Variants in CBX1 observed in about 807,000 individuals in gnomAD.
CBX1 encodes chromobox 1.
In CBX1, 10 loss-of-function variants were observed where a neutral mutation model predicts 25.1. That is an observed-to-expected ratio of 0.40 (90% CI 0.25 to 0.68). The LOEUF is 0.68. CBX1 is among the 30% of genes least tolerant of loss of function. The pLI is 0.40. For missense variants in CBX1, 106 were observed against 218.5 expected (o/e 0.49, Z 3.25); for synonymous variants, 63 against 79.4 (o/e 0.79, Z 1.10).
At chr17:48,087,727 C>T (rs1177881589) in intron 1 of CBX1, among the ~76,000 whole-genome samples, 1 of 151,792 alleles carries the variant, frequency 6.6e-6, no homozygotes, top group Admixed American at 6.6e-5. Context: ...CAAAAATTGG[C>T]CGGGCATAGT....
In CBX1 at chr17:48,070,288, G is replaced by C. The variant is rs533961625; in HGVS notation, c.*1147C>G. On this transcript the variant is annotated 3_prime_UTR_variant, in exon 5 of 5. Coordinates refer to ENST00000225603, the MANE Select transcript of CBX1 (RefSeq NM_001127228.2). The stretch of plus-strand genomic sequence containing the variant: ...AAAAAATTGTTTTGTGTGTGTATGT[G>C]TGTGTTTTAAAGTGAACCACTGCCC... The C allele has an allele frequency of 6.5e-6, 1 of 152,760 alleles. No homozygotes were observed. Among genetic ancestry groups the C allele is most frequent in the Non-Finnish European group, 1.5e-5 (1 of 68,046 alleles). The allele number at this position is 152,760 out of a possible 1,614,324, so 9.5% of individuals were successfully genotyped here. A position where few individuals can be genotyped will look rare whatever the true frequency, so the allele number is the denominator to read the frequency against.
In CBX1 at chr17:48,101,460, T is replaced by G; in HGVS notation, c.-230A>C. The G allele has an allele frequency of 1.0e-6, 1 of 985,590 alleles. No homozygotes were observed. Among genetic ancestry groups the G allele is most frequent in the Non-Finnish European group, 1.2e-6 (1 of 830,112 alleles). The allele number at this position is 985,590 out of a possible 1,614,324, so 61.1% of individuals were successfully genotyped here. A position where few individuals can be genotyped will look rare whatever the true frequency, so the allele number is the denominator to read the frequency against. ...AGCCGAACAAAAGAGCCTCGCAGTC[T>G]GCGCTGCCCGCCGCTCGCACCGCGC... On this transcript the variant is annotated 5_prime_UTR_variant, in exon 1 of 5. Coordinates refer to ENST00000225603, the MANE Select transcript of CBX1 (RefSeq NM_001127228.2).
chr17:48,085,962 C>T (rs111907546), intron 1 of CBX1, among the ~76,000 whole-genome samples: 5 of 152,000 alleles, frequency 3.3e-5, no homozygotes, highest in African/African-American at 9.7e-5. Context: ...CCCAGTTACT[C>T]GAGAGATTAA....
intron 1 of CBX1, among the ~76,000 whole-genome samples, chr17:48,081,263 C>T (rs2037735579): frequency 6.6e-6 from 1 of 151,544 alleles, no homozygotes. Flanking sequence ...CTGCTATGAG[C>T]CGAAAGGGTC....
At chr17:48,081,727 C>A (rs1163498263) in intron 1 of CBX1, among the ~76,000 whole-genome samples, 1 of 152,196 alleles carries the variant, frequency 6.6e-6, no homozygotes, top group East Asian at 1.9e-4. Context: ...CAGGCCTAAG[C>A]CACTGAGCCT....
chr17:48,097,087 T>TA (rs1054112047), intron 1 of CBX1, among the ~76,000 whole-genome samples: 3 of 150,294 alleles, frequency 2.0e-5, no homozygotes, highest in Non-Finnish European at 3.0e-5. Flanking sequence ...CCATCTCTAC[T>TA]AAAAAAATAC....
chr17:48,076,828 C>A, intron 2 of CBX1, 37 bp downstream of exon 2: 1 of 1,586,626 alleles, frequency 6.3e-7, no homozygotes, highest in Non-Finnish European at 8.6e-7. Context: ...CTGATAAACA[C>A]GTGGTGGCTA....
chr17:48,090,847 A>T (rs963527070), intron 1 of CBX1, among the ~76,000 whole-genome samples: 7 of 152,226 alleles, frequency 4.6e-5, no homozygotes, highest in Non-Finnish European at 8.8e-5. Context: ...GGCACCTATT[A>T]CGTGTAAGGT....
Position 48,075,134 on chromosome 17 carries a change from T to TA in CBX1, c.319-35dup, listed in dbSNP as rs1262046092. On this transcript the variant is annotated intron_variant, in intron 3 of 4. Coordinates refer to ENST00000225603, the MANE Select transcript of CBX1 (RefSeq NM_001127228.2). ...ACAAGATGGGTAGAACAATTTTATC[T>TA]ATATGGGACTATTATCCAGACTGGA... 5 of 1,299,492 alleles carry TA rather than the reference T, an allele frequency of 3.8e-6. No homozygotes were observed. In the African/African-American group the frequency reaches 7.3e-5, roughly 19 times the overall value. The allele number at this position is 1,299,492 out of a possible 1,614,324, so 80.5% of individuals were successfully genotyped here.
At chr17:48,073,823 T>TAAAAAAAAAAAA (rs2037648864) in intron 4 of CBX1, among the ~76,000 whole-genome samples, 1 of 23,726 alleles carries the variant, frequency 4.2e-5, no homozygotes, top group Admixed American at 5.0e-4. Flanking sequence ...TGAGACTGTC[T>TAAAAAAAAAAAA]CAAAAAAAAA....
rs2063409567 is a variant in CBX1, at chr17:48,101,430, C to CGGA, written c.-201_-200insTCC. ...CCGCAGGCCCCGGCCAACGGCCCTC[C>CGGA]CCTCAGCCGAACAAAAGAGCCTCGC... On this transcript the variant is annotated 5_prime_UTR_variant, in exon 1 of 5. Coordinates refer to ENST00000225603, the MANE Select transcript of CBX1 (RefSeq NM_001127228.2). The CGGA allele has an allele frequency of 1.0e-6, 1 of 985,484 alleles. No homozygotes were observed. Among genetic ancestry groups the CGGA allele is most frequent in the Admixed American group, 6.1e-5 (1 of 16,274 alleles). The allele number at this position is 985,484 out of a possible 1,614,324, so 61.0% of individuals were successfully genotyped here. A position where few individuals can be genotyped will look rare whatever the true frequency, so the allele number is the denominator to read the frequency against.
chr17:48,078,349 C>T (rs1183671699), intron 1 of CBX1, among the ~76,000 whole-genome samples: 17 of 152,024 alleles, frequency 1.1e-4, no homozygotes, highest in Admixed American at 1.0e-3. Context: ...CCCGCCACCA[C>T]GCCCAGCTAA....
chr17:48,088,344 G>A (rs1443225797), intron 1 of CBX1: 1 of 150,202 alleles, frequency 6.7e-6, no homozygotes, highest in Non-Finnish European at 1.5e-5. Flanking sequence ...CTTGTTGCCA[G>A]GTGCGGTGGC....
rs60857566 is a variant in CBX1, at chr17:48,073,824, C to CAAAAAAAAAA, written c.413+1172_413+1181dup. ...CCTGGGCGAAAGAGTGAGACTGTCT[C>CAAAAAAAAAA]AAAAAAAAAAAAAAAAAAAAAGACA... is the stretch of plus-strand genomic sequence containing the variant. On this transcript the variant is annotated intron_variant, in intron 4 of 4. Coordinates refer to ENST00000225603, the MANE Select transcript of CBX1 (RefSeq NM_001127228.2). Among the ~76,000 whole-genome samples, 29 of 82,470 alleles carry CAAAAAAAAAA rather than the reference C, an allele frequency of 3.5e-4. 2 individuals are homozygous for CAAAAAAAAAA. The highest frequency in any genetic ancestry group is 6.4e-4 in the African/African-American group (11 of 17,282). 54.1% of individuals were successfully genotyped at this position (82,470 alleles called of 152,430 possible).
At chr17:48,075,766 C>T (rs2037669419) in intron 3 of CBX1, among the ~76,000 whole-genome samples, 3 of 152,188 alleles carry the variant, frequency 2.0e-5, no homozygotes, top group African/African-American at 7.2e-5. Flanking sequence ...AATGAATTCA[C>T]TTGCCCTTAT....
chr17:48,082,689 C>T (rs1394915485), intron 1 of CBX1, among the ~76,000 whole-genome samples: 3 of 149,148 alleles, frequency 2.0e-5, no homozygotes, highest in African/African-American at 7.7e-5. Context: ...ATGCACACCA[C>T]CACTCCTGGC....
chr17:48,084,904 C>T (rs1477968108), intron 1 of CBX1, among the ~76,000 whole-genome samples: 3 of 150,650 alleles, frequency 2.0e-5, no homozygotes, highest in Admixed American at 6.6e-5. Context: ...AGCGAGACTC[C>T]GTCTCACAAA....
At chr17:48,074,941 T>C (rs2037660106) in intron 4 of CBX1, 65 bp downstream of exon 4, 6 of 1,135,676 alleles carry the variant, frequency 5.3e-6, no homozygotes, top group Admixed American at 1.8e-5. Flanking sequence ...CCAGCTCTTT[T>C]CCTCTGGCAT....
chr17:48,098,567 G>T (rs1339689032), intron 1 of CBX1, among the ~76,000 whole-genome samples: 1 of 152,040 alleles, frequency 6.6e-6, no homozygotes, highest in Non-Finnish European at 1.5e-5. Flanking sequence ...GCGCGATCTC[G>T]GCTCATGGCA....
Sources: allele counts gnomAD v4.1 joint callset (sites outside exome capture counted in the v4.1 genomes callset), GRCh38; gene constraint gnomAD v4.1.1; transcripts MANE v1.5; gene names NCBI Gene and HGNC (gene_info 2026-07-23, HGNC 2026-07-21).